The following CCND3 variants were observed in gnomAD, a reference collection of about 807,000 sequenced individuals.
The protein encoded by CCND3 is G1/S-specific cyclin-D3.
Under a neutral mutation model 28.7 loss-of-function variants are expected in CCND3, and 9 were observed. The observed-to-expected ratio is 0.31, with a 90% CI of 0.19 to 0.55. The LOEUF (loss-of-function observed/expected upper bound fraction) is 0.55. Among genes scored for constraint, CCND3 ranks in the 20% least tolerant of loss-of-function variants. CCND3 has a pLI of 0.93. For synonymous variants in CCND3, 164 were observed against 163.9 expected, an observed-to-expected ratio of 1.00 and a Z score of 0.00; for missense variants, 315 against 385.8, an observed-to-expected ratio of 0.82 and a Z score of 1.54.
intron 1 of CCND3, among the ~76,000 whole-genome samples, chr6:41,981,943 C>A (rs1762360557): frequency 6.6e-6 from 1 of 151,710 alleles, no homozygotes; most frequent in South Asian, 2.1e-4. Flanking sequence ...TGAGGTCAGC[C>A]TGGACAGCAT....
At position 41,935,080 on chromosome 6, in the gene CCND3, T is replaced by C. The variant is rs1243654611; in HGVS notation, c.*860A>G. 8.6e-6 allele frequency: 2 copies of C among 233,176 alleles called. No homozygotes were observed. The highest frequency in any genetic ancestry group is 1.7e-5 in the Non-Finnish European group (2 of 118,076). The allele number at this position is 233,176 out of a possible 1,614,324, so 14.4% of individuals were successfully genotyped here. On this transcript the variant is annotated 3_prime_UTR_variant, in exon 5 of 5. Transcript: ENST00000372991. ...CTCTCTAGACAGGGGCTCAGCCACC[T>C]CCAGGGCATCCCTGCTGCATTTTCC...
rs1554162050 is a variant in CCND3 at position 41,972,240 on chromosome 6, A to AAAAAAGAAAAG, written c.-45-31656_-45-31655insCTTTTCTTTTT. 8.0e-3 allele frequency among the ~76,000 whole-genome samples: 793 copies of AAAAAAGAAAAG among 99,720 alleles called. 14 individuals are homozygous for AAAAAAGAAAAG. The highest frequency in any genetic ancestry group is 0.029 in the African/African-American group (756 of 25,904). The allele number at this position is 99,720 out of a possible 152,430, so 65.4% of individuals were successfully genotyped here. A position where few individuals can be genotyped will look rare whatever the true frequency, so the allele number is the denominator to read the frequency against. On this transcript the variant is annotated intron_variant, in intron 1 of 4. Transcript: ENST00000372988. ...GAGACTCCATCTCAAAAAAAAAAAA[A>AAAAAAGAAAAG]AAAAGAAAAGAAAAGAAAAGAGATA...
intron 1 of CCND3, among the ~76,000 whole-genome samples, chr6:42,033,847 G>A (rs997405141): frequency 2.8e-5 from 4 of 141,794 alleles, no homozygotes; most frequent in South Asian, 2.4e-4. Context: ...GCGAAACTCC[G>A]TCTCAAAAAA....
chr6:41,957,757 C>T (rs567478247), intron 1 of CCND3, among the ~76,000 whole-genome samples: 1 of 152,196 alleles, frequency 6.6e-6, no homozygotes, highest in Non-Finnish European at 1.5e-5. Context: ...GGCAATTCCC[C>T]TGTTTGGATA....
rs944671418 is a variant in CCND3 at position 41,935,555 on chromosome 6, GACA to G, written c.*382_*384del. On this transcript the variant is annotated 3_prime_UTR_variant, in exon 5 of 5. Transcript: ENST00000372991. ...ATCCAAATGCAATAACCCTAGAAGG[GACA>G]ACACCTTTAGAAGGCACTAGAGCAT... 2.4e-6 allele frequency: 1 copy of G among 420,216 alleles called. No individual in the cohort carries two copies. The highest frequency in any genetic ancestry group is 2.0e-5 in the African/African-American group (1 of 50,834). The allele number at this position is 420,216 out of a possible 1,614,324, so 26.0% of individuals were successfully genotyped here.
intron 1 of CCND3, among the ~76,000 whole-genome samples, chr6:42,002,707 A>T (rs1163434238): frequency 6.6e-6 from 1 of 151,938 alleles, no homozygotes; most frequent in Non-Finnish European, 1.5e-5. Flanking sequence ...ACAAAAAATT[A>T]GCCTGGTGTG....
chr6:41,978,402 G>A lies in CCND3; in HGVS notation c.-45-37817C>T, dbSNP rs533900195. On this transcript the variant is annotated intron_variant, in intron 1 of 4. Transcript: ENST00000372988. ...AAAAAAAAAATTAGCCAGGCGTGGT[G>A]GCGCATCCCCGTAATCCCAGCTACT... 9.3e-5 allele frequency among the ~76,000 whole-genome samples: 14 copies of A among 151,250 alleles called. No individual in the cohort carries two copies. In the East Asian group the frequency reaches 2.8e-3, roughly 30 times the overall value.
intron 1 of CCND3, among the ~76,000 whole-genome samples, chr6:41,979,546 A>AG (rs1464706145): frequency 6.0e-5 from 9 of 150,608 alleles, no homozygotes; most frequent in South Asian, 2.1e-4. Flanking sequence ...AAAAAAAAAA[A>AG]AAAGAAAAAT....
At chr6:42,020,747 T>A (rs1364417117) in intron 1 of CCND3, among the ~76,000 whole-genome samples, 1 of 152,144 alleles carries the variant, frequency 6.6e-6, no homozygotes, top group Non-Finnish European at 1.5e-5. Flanking sequence ...TTATCCAGTT[T>A]CACTTTATTT....
Position 41,996,242 on chromosome 6 carries a change from C to A in CCND3, c.-46+52259G>T, listed in dbSNP as rs372390198. 2.1e-3 allele frequency among the ~76,000 whole-genome samples: 319 copies of A among 151,276 alleles called. 1 individual carries two copies. Among genetic ancestry groups the A allele is most frequent in the African/African-American group, 7.5e-3 (308 of 41,218 alleles). On this transcript the variant is annotated intron_variant, in intron 1 of 4. Transcript: ENST00000372988. Reference sequence around the variant, plus strand: ...TCGGCTCACTGCAACCTCCGCCTCCCGGGTTCAAGTGATTCTCCAGCCTCA... The same window carrying A: ...TCGGCTCACTGCAACCTCCGCCTCCAGGGTTCAAGTGATTCTCCAGCCTCA...
At chr6:41,992,765 G>A (rs1762693220) in intron 1 of CCND3, among the ~76,000 whole-genome samples, 1 of 151,826 alleles carries the variant, frequency 6.6e-6, no homozygotes, top group Non-Finnish European at 1.5e-5. Context: ...TCTATCTTGG[G>A]ACAGGGTCTC....
intron 1 of CCND3, among the ~76,000 whole-genome samples, chr6:41,994,740 T>C (rs1239750450): frequency 6.6e-6 from 1 of 152,080 alleles, no homozygotes; most frequent in Non-Finnish European, 1.5e-5. Context: ...CTCTGTACTT[T>C]TGCAGCTCAA....
intron 1 of CCND3, among the ~76,000 whole-genome samples, chr6:42,044,955 A>C (rs1764492724): frequency 1.2e-5 from 1 of 85,734 alleles, no homozygotes; most frequent in Non-Finnish European, 2.4e-5. Flanking sequence ...CGCCCGGCTA[A>C]CGTTTTTTTT....
intron 1 of CCND3, among the ~76,000 whole-genome samples, chr6:41,961,185 T>C (rs1761706018): frequency 6.6e-6 from 1 of 152,106 alleles, no homozygotes; most frequent in South Asian, 2.1e-4. Context: ...ATCAAAACAA[T>C]CCTTGTGGCC....
At chr6:41,977,163 A>G (rs1230825482) in intron 1 of CCND3, among the ~76,000 whole-genome samples, 1 of 151,998 alleles carries the variant, frequency 6.6e-6, no homozygotes, top group South Asian at 2.1e-4. Flanking sequence ...CAAAATATTC[A>G]TTTTCCCCAC....
intron 1 of CCND3, among the ~76,000 whole-genome samples, chr6:41,970,205 G>A (rs1761999260): frequency 6.6e-6 from 1 of 152,140 alleles, no homozygotes; most frequent in African/African-American, 2.4e-5. Flanking sequence ...TGGGCGTGGT[G>A]GCACGTGCCT....
intron 1 of CCND3, among the ~76,000 whole-genome samples, chr6:42,028,401 C>T (rs1420835390): frequency 6.6e-6 from 1 of 152,228 alleles, no homozygotes; most frequent in African/African-American, 2.4e-5. Flanking sequence ...TGCTATCTAT[C>T]AGCTGCCTCC....
intron 1 of CCND3, among the ~76,000 whole-genome samples, chr6:42,033,936 C>A (rs1364950307): frequency 6.6e-6 from 1 of 152,090 alleles, no homozygotes; most frequent in African/African-American, 2.4e-5. Flanking sequence ...TAGAGGATCA[C>A]TTGAGGTCAG....
chr6:41,986,130 G>C (rs1398026585), intron 1 of CCND3, among the ~76,000 whole-genome samples: 2 of 151,876 alleles, frequency 1.3e-5, no homozygotes, highest in African/African-American at 4.8e-5. Flanking sequence ...CTGTTCCGTT[G>C]GTCTATATGT....
Sources: allele counts gnomAD v4.1 joint callset (sites outside exome capture counted in the v4.1 genomes callset), GRCh38; gene constraint gnomAD v4.1.1; transcripts MANE v1.5; gene names NCBI Gene and HGNC (gene_info 2026-07-23, HGNC 2026-07-21).